RBFOX1: variants seen among roughly 807,000 people sequenced by gnomAD.
RBFOX1 encodes RNA binding fox-1 homolog 1, also known as RNA binding protein fox-1 homolog 1.
Under a neutral mutation model 57.7 loss-of-function variants are expected in RBFOX1, and 8 were observed. The observed-to-expected ratio is 0.14, with a 90% confidence interval of 0.08 to 0.25. The LOEUF is 0.25. Ranked by LOEUF, RBFOX1 falls within the 10% of genes least tolerant of loss-of-function variation. The pLI, the probability that RBFOX1 is intolerant of heterozygous loss-of-function variation, is 1.00. For synonymous variants in RBFOX1, 326 were observed against 222.4 expected, an observed-to-expected ratio of 1.47 and a Z score of -4.15; for missense variants, 611 against 548.5, an observed-to-expected ratio of 1.11 and a Z score of -1.14.
At chr16:5,745,998 C>T (rs2052965791) in intron 3 of RBFOX1, among the ~76,000 whole-genome samples, 1 of 152,206 alleles carries the variant, frequency 6.6e-6, no homozygotes, top group African/African-American at 2.4e-5. Context: ...GTGTTTTACA[C>T]ATGAAGTCCT....
intron 2 of RBFOX1, among the ~76,000 whole-genome samples, chr16:6,422,104 G>A (rs1242853698): frequency 6.6e-6 from 1 of 151,666 alleles, no homozygotes; most frequent in Non-Finnish European, 1.5e-5. Flanking sequence ...TATTTTGTTA[G>A]TAGAGATGGA....
At chr16:5,854,221 T>C (rs1328037187) in intron 3 of RBFOX1, among the ~76,000 whole-genome samples, 2 of 152,178 alleles carry the variant, frequency 1.3e-5, no homozygotes, top group Non-Finnish European at 1.5e-5. Flanking sequence ...TTCAGAAATA[T>C]CAAGTATATA....
chr16:5,921,979 C>A (rs1456448723), intron 4 of RBFOX1, among the ~76,000 whole-genome samples: 1 of 149,680 alleles, frequency 6.7e-6, no homozygotes, highest in Admixed American at 6.6e-5. Flanking sequence ...CAGCTGGACG[C>A]CATCTTCACA....
intron 2 of RBFOX1, among the ~76,000 whole-genome samples, chr16:5,585,300 A>G (rs961888481): frequency 6.6e-6 from 1 of 152,078 alleles, no homozygotes; most frequent in Non-Finnish European, 1.5e-5. Context: ...TGTTTAGCAT[A>G]ATGTTTTCAA....
At chr16:5,618,984 G>C (rs1420350849) in intron 3 of RBFOX1, among the ~76,000 whole-genome samples, 3 of 152,190 alleles carry the variant, frequency 2.0e-5, no homozygotes, top group Admixed American at 2.0e-4. Flanking sequence ...GGCATCCTTT[G>C]CTCCGGTGGT....
At position 7,672,162 on chromosome 16, in the gene RBFOX1, T is replaced by C. The variant is rs551359346; in HGVS notation, c.931-4612T>C. ...TTTATTTCAAGCCTGTTGTTATAGC[T>C]TTTAAACCTATTTCTCACTGCTAAA... On this transcript the variant is annotated intron_variant, in intron 13 of 15. Coordinates refer to ENST00000550418, the MANE Select transcript of RBFOX1 (RefSeq NM_018723.4). Among the ~76,000 whole-genome samples, 5 of 152,314 alleles carry C rather than the reference T, an allele frequency of 3.3e-5. No individual in the cohort carries two copies. In the South Asian group the frequency reaches 1.0e-3, roughly 32 times the overall value.
intron 3 of RBFOX1, among the ~76,000 whole-genome samples, chr16:5,825,018 GT>G (rs1285012905): frequency 6.6e-6 from 1 of 152,176 alleles, no homozygotes; most frequent in Non-Finnish European, 1.5e-5. Context: ...GTGGAATGAT[GT>G]TTTTGCAAGC....
chr16:6,524,916 G>A (rs1331320204), intron 2 of RBFOX1, among the ~76,000 whole-genome samples: 1 of 152,164 alleles, frequency 6.6e-6, no homozygotes, highest in Non-Finnish European at 1.5e-5. Flanking sequence ...TCCTGAGCCA[G>A]TATGACCTCA....
intron 1 of RBFOX1, among the ~76,000 whole-genome samples, chr16:5,397,289 C>G (rs143669248): frequency 6.6e-6 from 1 of 152,116 alleles, no homozygotes; most frequent in African/African-American, 2.4e-5. Context: ...GTGCTCCAAA[C>G]ATTTCCTTCT....
At chr16:6,028,872 G>C (rs1431289360) in intron 1 of RBFOX1, among the ~76,000 whole-genome samples, 1 of 152,188 alleles carries the variant, frequency 6.6e-6, no homozygotes, top group African/African-American at 2.4e-5. Context: ...GAGCGCCAAG[G>C]TGCGAAAGGA....
chr16:7,068,398 A>G (rs541920422), intron 4 of RBFOX1, among the ~76,000 whole-genome samples: 2 of 152,284 alleles, frequency 1.3e-5, no homozygotes, highest in African/African-American at 4.8e-5. Flanking sequence ...CAGAGCATTC[A>G]GAACTACCAT....
At chr16:5,988,936 C>G (rs1312996217) in intron 4 of RBFOX1, among the ~76,000 whole-genome samples, 1 of 152,172 alleles carries the variant, frequency 6.6e-6, no homozygotes, top group Non-Finnish European at 1.5e-5. Context: ...GCTCCAAACC[C>G]TCCCTCTGTC....
intron 3 of RBFOX1, among the ~76,000 whole-genome samples, chr16:5,704,270 C>G (rs2151488833): frequency 6.6e-6 from 1 of 152,240 alleles, no homozygotes; most frequent in Non-Finnish European, 1.5e-5. Flanking sequence ...CAAAGAGAAG[C>G]CCCAGCCAAA....
intron 4 of RBFOX1, among the ~76,000 whole-genome samples, chr16:5,899,329 C>G (rs1189992822): frequency 2.6e-5 from 4 of 151,970 alleles, no homozygotes; most frequent in East Asian, 1.9e-4. Context: ...CAGAGGAGAG[C>G]CTGTCATGCA....
At chr16:5,347,481 T>C (rs1010985692) in intron 1 of RBFOX1, among the ~76,000 whole-genome samples, 6 of 152,158 alleles carry the variant, frequency 3.9e-5, no homozygotes, top group Non-Finnish European at 5.9e-5. Flanking sequence ...ATAATTATCA[T>C]TGAAGGCAAG....
At chr16:5,702,080 G>A (rs1055365842) in intron 3 of RBFOX1, among the ~76,000 whole-genome samples, 1 of 152,162 alleles carries the variant, frequency 6.6e-6, no homozygotes, top group Admixed American at 6.5e-5. Context: ...AAGGAGGTGG[G>A]GAATTGGCTG....
chr16:7,710,460 AATGGC>A, intron 15 of RBFOX1, 158 bp from the exon 16 acceptor site: 1 of 1,478,282 alleles, frequency 6.8e-7, no homozygotes, highest in African/African-American at 1.4e-5. Context: ...GAAGGTCAGG[AATGGC>A]CCTATCTTTA....
chr16:6,211,181 T>TTG (rs367761093), intron 1 of RBFOX1, among the ~76,000 whole-genome samples: 28,416 of 135,430 alleles, frequency 0.21, 3,722 homozygotes, highest in Admixed American at 0.31. Flanking sequence ...CAGAGTGTTT[T>TTG]CTTCTTCTTT....
At position 5,253,403 on chromosome 16, in the gene RBFOX1, C is replaced by T. The variant is rs1334773900; in HGVS notation, c.219+13298C>T. On this transcript the variant is annotated intron_variant, in intron 1 of 2. Coordinates refer to the RBFOX1 transcript ENST00000585867. The stretch of plus-strand genomic sequence containing the variant: ...CTGACCTCAGGTGATCCACCCACCT[C>T]GGCCTCCCAAAGTGCTGGGATTACA... Among the ~76,000 whole-genome samples, 8 of 152,112 alleles carry T rather than the reference C, an allele frequency of 5.3e-5. No individual in the cohort carries two copies. In the East Asian group the frequency reaches 1.2e-3, roughly 22 times the overall value.
Sources: allele counts gnomAD v4.1 joint callset (sites outside exome capture counted in the v4.1 genomes callset), GRCh38; gene constraint gnomAD v4.1.1; transcripts MANE v1.5; gene names NCBI Gene and HGNC (gene_info 2026-07-23, HGNC 2026-07-21).